STPG2: variants seen among roughly 807,000 people sequenced by gnomAD.
The protein encoded by STPG2 is sperm-tail PG-rich repeat-containing protein 2.
Under a neutral mutation model 54.2 loss-of-function variants are expected in STPG2, and 56 were observed. The ratio of observed to expected loss-of-function variants is 1.03; its 90% CI spans 0.83 to 1.29. STPG2 has a LOEUF of 1.29. STPG2 is among the 50% of genes most tolerant of loss of function. The pLI, the probability that STPG2 is intolerant of heterozygous loss-of-function variation, is 0.00. For missense variants in STPG2, 596 were observed against 544.9 expected (o/e 1.09, Z -0.93); for synonymous variants, 200 against 181.8 (o/e 1.10, Z -0.81).
chr4:97,939,859 AT>A (rs1390782274), intron 8 of STPG2, among the ~76,000 whole-genome samples: 1 of 152,146 alleles, frequency 6.6e-6, no homozygotes, highest in Non-Finnish European at 1.5e-5. Flanking sequence ...TTAGCTGGTT[AT>A]TATGTTGGCT....
chr4:97,841,970 C>A (rs1728813424), intron 8 of STPG2, among the ~76,000 whole-genome samples: 1 of 151,906 alleles, frequency 6.6e-6, no homozygotes, highest in South Asian at 2.1e-4. Context: ...CCTGACCAAT[C>A]AGGGTTTGAG....
intron 4 of STPG2, among the ~76,000 whole-genome samples, chr4:97,481,849 T>C (rs1363187034): frequency 6.6e-6 from 1 of 151,604 alleles, no homozygotes; most frequent in African/African-American, 2.4e-5. Flanking sequence ...TCTTGACTTA[T>C]TAAAGTGGCT....
chr4:97,968,123 AAAG>A (rs1734185054), intron 7 of STPG2, among the ~76,000 whole-genome samples: 1 of 152,182 alleles, frequency 6.6e-6, no homozygotes, highest in Non-Finnish European at 1.5e-5. Context: ...CAAGATTAAT[AAAG>A]AAGAAAAGAG....
chr4:97,846,452 C>G (rs183273047), intron 8 of STPG2, among the ~76,000 whole-genome samples: 292 of 151,780 alleles, frequency 1.9e-3, no homozygotes, highest in African/African-American at 6.9e-3. Flanking sequence ...TGGTGAAACC[C>G]CATCTCTACT....
chr4:97,522,014 T>G (rs1731190187), intron 4 of STPG2, among the ~76,000 whole-genome samples: 1 of 151,970 alleles, frequency 6.6e-6, no homozygotes, highest in African/African-American at 2.4e-5. Flanking sequence ...ACTACAAAAA[T>G]GCCAAAGTAA....
At chr4:97,739,738 A>G (rs1170511133) in intron 9 of STPG2, among the ~76,000 whole-genome samples, 4 of 152,180 alleles carry the variant, frequency 2.6e-5, no homozygotes, top group African/African-American at 9.7e-5. Flanking sequence ...TACCAACCAA[A>G]AAGAGTCCAG....
intron 5 of STPG2, among the ~76,000 whole-genome samples, chr4:98,068,782 A>G (rs1336988368): frequency 6.6e-6 from 1 of 152,070 alleles, no homozygotes; most frequent in African/African-American, 2.4e-5. Context: ...GGTATAACCT[A>G]CTACACACCT....
intron 8 of STPG2, among the ~76,000 whole-genome samples, chr4:97,903,210 T>C (rs1731246663): frequency 6.6e-6 from 1 of 152,148 alleles, no homozygotes; most frequent in Admixed American, 6.5e-5. Flanking sequence ...AGATCTCAAT[T>C]ATTCTAATTA....
At chr4:97,990,111 T>A (rs1734958294) in intron 5 of STPG2, among the ~76,000 whole-genome samples, 1 of 152,342 alleles carries the variant, frequency 6.6e-6, no homozygotes, top group South Asian at 2.1e-4. Flanking sequence ...ATGTGAATTA[T>A]AAATGAATAT....
rs147785076 is a variant in STPG2 at position 97,690,991 on chromosome 4, G to A, written c.1320+21708C>T. On this transcript the variant is annotated intron_variant, in intron 10 of 10. Transcript: ENST00000295268. ...AGATGAAACATTATTGCACCCGAGT[G>A]TCAATATCCTGTAAGAACGCAATTA... Among the ~76,000 whole-genome samples, 976 of 152,310 alleles carry A rather than the reference G, an allele frequency of 6.4e-3. 5 individuals carry two copies. Among genetic ancestry groups the A allele is most frequent in the Non-Finnish European group, 9.4e-3 (642 of 68,026 alleles).
intron 8 of STPG2, among the ~76,000 whole-genome samples, chr4:97,934,594 C>A (rs919316931): frequency 6.6e-6 from 1 of 152,052 alleles, no homozygotes; most frequent in Non-Finnish European, 1.5e-5. Context: ...TATCGAAGGC[C>A]TTTTCTGTGT....
chr4:97,739,388 A>T (rs1725138928), intron 9 of STPG2, among the ~76,000 whole-genome samples: 1 of 152,142 alleles, frequency 6.6e-6, no homozygotes, highest in Non-Finnish European at 1.5e-5. Flanking sequence ...GGAAATAGAG[A>T]CGCAAAAAAC....
rs1731937009 is a variant in STPG2 at position 97,550,354 on chromosome 4, A to G, written c.462+162345T>C. Among the ~76,000 whole-genome samples the G allele has an allele frequency of 1.3e-5, 2 of 152,082 alleles. 1 individual carries two copies. The highest frequency in any genetic ancestry group is 4.1e-4 in the South Asian group (2 of 4,830). On this transcript the variant is annotated intron_variant, in intron 4 of 4. Transcript: ENST00000522676. The stretch of plus-strand genomic sequence containing the variant: ...GGCAAAGATATAATGTACCTAACAA[A>G]TAAGTGAAGAAAAGAATCAAGAAAC...
intron 8 of STPG2, among the ~76,000 whole-genome samples, chr4:97,846,007 A>T (rs1033386613): frequency 6.6e-6 from 1 of 152,206 alleles, no homozygotes; most frequent in Non-Finnish European, 1.5e-5. Context: ...AGGCAGCCTG[A>T]ACTTCTGAAC....
intron 10 of STPG2, among the ~76,000 whole-genome samples, chr4:97,660,765 CA>C (rs1233927195): frequency 2.0e-5 from 3 of 152,108 alleles, no homozygotes; most frequent in African/African-American, 7.2e-5. Context: ...GTCATTATCC[CA>C]GTTTTATAGA....
intron 8 of STPG2, among the ~76,000 whole-genome samples, chr4:97,905,331 C>A (rs1276235091): frequency 6.6e-6 from 1 of 151,972 alleles, no homozygotes; most frequent in Non-Finnish European, 1.5e-5. Context: ...AATTTTCAAC[C>A]CACAATTTCA....
chr4:97,443,464 AG>A (rs1177255825), intron 4 of STPG2, among the ~76,000 whole-genome samples: 1 of 152,198 alleles, frequency 6.6e-6, no homozygotes, highest in Admixed American at 6.5e-5. Flanking sequence ...CAAGAGTAGC[AG>A]CTAAAGATAT....
At chr4:97,801,729 C>T (rs1399839476) in intron 9 of STPG2, among the ~76,000 whole-genome samples, 5 of 152,078 alleles carry the variant, frequency 3.3e-5, no homozygotes, top group African/African-American at 1.2e-4. Context: ...GTCTCACATT[C>T]CTTTTTTTTT....
intron 9 of STPG2, among the ~76,000 whole-genome samples, chr4:97,776,605 C>T (rs187382129): frequency 1.3e-5 from 2 of 152,228 alleles, no homozygotes; most frequent in East Asian, 1.9e-4. Flanking sequence ...TTGATGAGAT[C>T]TGTCTAGTGT....
Sources: allele counts gnomAD v4.1 joint callset (sites outside exome capture counted in the v4.1 genomes callset), GRCh38; gene constraint gnomAD v4.1.1; transcripts MANE v1.5; gene names NCBI Gene and HGNC (gene_info 2026-07-23, HGNC 2026-07-21).